NAALADL2: variants seen among roughly 807,000 people sequenced by gnomAD.
NAALADL2 encodes N-acetylated alpha-linked acidic dipeptidase like 2.
NAALADL2 carries 76 observed loss-of-function variants against 87.2 expected under a neutral mutation model. The observed-to-expected ratio is 0.87, with a 90% CI of 0.72 to 1.05. The LOEUF is 1.05. NAALADL2 is among the 50% of genes least tolerant of loss of function. NAALADL2 has a pLI of 0.00. For missense variants in NAALADL2, 1,089 were observed against 945.8 expected (o/e 1.15, Z -1.99); for synonymous variants, 354 against 331.0 (o/e 1.07, Z -0.75).
intron 9 of NAALADL2, among the ~76,000 whole-genome samples, chr3:175,540,237 A>G (rs1712064543): frequency 6.6e-6 from 1 of 152,202 alleles, no homozygotes; most frequent in Non-Finnish European, 1.5e-5. Flanking sequence ...TGTCATCAAG[A>G]AAGATCTTTC....
At chr3:175,592,785 T>C in intron 10 of NAALADL2, among the ~76,000 whole-genome samples, 1 of 151,444 alleles carries the variant, frequency 6.6e-6, no homozygotes, top group Non-Finnish European at 1.5e-5. Context: ...ATATACCTAA[T>C]GCTAGATGAC....
intron 2 of NAALADL2, among the ~76,000 whole-genome samples, chr3:174,621,671 T>C (rs1721010362): frequency 6.6e-6 from 1 of 152,134 alleles, no homozygotes; most frequent in Non-Finnish European, 1.5e-5. Context: ...CTTAAACTTG[T>C]TATTTTACCC....
At chr3:174,497,417 C>T (rs1718613842) in intron 1 of NAALADL2, among the ~76,000 whole-genome samples, 2 of 151,884 alleles carry the variant, frequency 1.3e-5, no homozygotes, top group South Asian at 4.2e-4. Flanking sequence ...TGGCTTGAAC[C>T]CAGGAGTTTA....
chr3:174,744,854 A>C (rs1244767748), intron 3 of NAALADL2, among the ~76,000 whole-genome samples: 4 of 152,174 alleles, frequency 2.6e-5, no homozygotes, highest in Non-Finnish European at 1.5e-5. Context: ...ACTCCTAAGT[A>C]AATCATGAAA....
At chr3:175,172,107 C>A (rs1734928089) in intron 2 of NAALADL2, among the ~76,000 whole-genome samples, 1 of 152,026 alleles carries the variant, frequency 6.6e-6, no homozygotes, top group Non-Finnish European at 1.5e-5. Flanking sequence ...CAAGGTGATA[C>A]CCCAAATACC....
rs151104301 is a variant in NAALADL2 at position 174,722,001 on chromosome 3, A to T, written c.-114-15640A>T. 8.6e-3 allele frequency among the ~76,000 whole-genome samples: 1,307 copies of T among 152,334 alleles called. 10 individuals carry two copies. The highest frequency in any genetic ancestry group is 0.012 in the Non-Finnish European group (810 of 68,014). ...CAATCCTGAAAAATGGCATGATTGA[A>T]ATAACAGCCAAGACCAAGAGCTCAG... On this transcript the variant is annotated intron_variant, in intron 2 of 3. Transcript: ENST00000434257.
chr3:175,375,637 C>T (rs953076175), intron 5 of NAALADL2, among the ~76,000 whole-genome samples: 2 of 152,050 alleles, frequency 1.3e-5, no homozygotes, highest in Non-Finnish European at 2.9e-5. Flanking sequence ...CCTTTTCCAT[C>T]CTTTTAACCA....
At chr3:174,850,631 T>C (rs1725136467) in intron 3 of NAALADL2, among the ~76,000 whole-genome samples, 2 of 152,116 alleles carry the variant, frequency 1.3e-5, no homozygotes, top group South Asian at 4.1e-4. Flanking sequence ...GCAAACATTA[T>C]TGGAACTAAA....
intron 2 of NAALADL2, among the ~76,000 whole-genome samples, chr3:175,223,805 A>G (rs534044777): frequency 1.3e-5 from 2 of 152,178 alleles, no homozygotes; most frequent in East Asian, 3.9e-4. Context: ...TGCAGTTTTT[A>G]TAATATTCTC....
rs964591915 is a variant in NAALADL2, at chr3:175,366,307, C to T, written c.1090+41982C>T. 6.7e-4 allele frequency among the ~76,000 whole-genome samples: 102 copies of T among 151,380 alleles called. 1 individual carries two copies. The highest frequency in any genetic ancestry group is 2.2e-3 in the African/African-American group (89 of 41,130). On this transcript the variant is annotated intron_variant, in intron 5 of 13. Transcript: ENST00000454872. ...AAGTCTTTGCTATTGTGAATAGTGC[C>T]TCAATAAACATACGTGTGCATGTGT...
chr3:175,015,174 A>C (rs1750651800), intron 1 of NAALADL2, among the ~76,000 whole-genome samples: 1 of 152,126 alleles, frequency 6.6e-6, no homozygotes. Flanking sequence ...CTAGGCTTAA[A>C]AACACAGCAT....
At chr3:175,486,402 T>G (rs1727263592) in intron 9 of NAALADL2, among the ~76,000 whole-genome samples, 1 of 152,122 alleles carries the variant, frequency 6.6e-6, no homozygotes, top group African/African-American at 2.4e-5. Context: ...TTCCCTTCAC[T>G]GAAGCTCGTC....
At chr3:175,350,354 A>C (rs16825528) in intron 5 of NAALADL2, among the ~76,000 whole-genome samples, 39,773 of 152,102 alleles carry the variant, frequency 0.26, 6,239 homozygotes, top group East Asian at 0.41. Context: ...AGTGAGAAGC[A>C]GATATCTGTC....
At chr3:174,916,723 G>A (rs1245948702) in intron 1 of NAALADL2, among the ~76,000 whole-genome samples, 2 of 151,888 alleles carry the variant, frequency 1.3e-5, no homozygotes, top group South Asian at 2.1e-4. Flanking sequence ...GAGGAGACTG[G>A]GAAAAGGGTG....
chr3:174,466,135 A>G (rs985436317), intron 1 of NAALADL2, among the ~76,000 whole-genome samples: 2 of 152,196 alleles, frequency 1.3e-5, no homozygotes, highest in African/African-American at 4.8e-5. Flanking sequence ...TTTCCATTTC[A>G]GCACATAGTC....
intron 5 of NAALADL2, among the ~76,000 whole-genome samples, chr3:175,378,588 G>A (rs1767431451): frequency 6.6e-6 from 1 of 152,090 alleles, no homozygotes. Context: ...CAAATTTCTG[G>A]AGTACTTTCT....
At chr3:174,866,089 C>T (rs1271733461) in intron 1 of NAALADL2, among the ~76,000 whole-genome samples, 1 of 151,794 alleles carries the variant, frequency 6.6e-6, no homozygotes, top group Non-Finnish European at 1.5e-5. Context: ...TTGTTTTTCA[C>T]ATTTATGGTC....
chr3:174,676,286 T>C (rs1053740199), intron 2 of NAALADL2, among the ~76,000 whole-genome samples: 6 of 152,056 alleles, frequency 3.9e-5, no homozygotes, highest in Non-Finnish European at 8.8e-5. Context: ...GGCCGCTTCA[T>C]TGTGGTAAGG....
At chr3:174,910,681 A>G (rs1188079773) in intron 1 of NAALADL2, among the ~76,000 whole-genome samples, 1 of 152,034 alleles carries the variant, frequency 6.6e-6, no homozygotes, top group African/African-American at 2.4e-5. Context: ...GGGCCTCAGT[A>G]CACACCATAT....
Sources: gnomAD v4.1 joint callset for allele counts (sites outside exome capture counted in the v4.1 genomes callset) on GRCh38, gnomAD v4.1.1 for gene constraint, MANE v1.5 for transcripts, NCBI Gene and HGNC (gene_info 2026-07-23, HGNC 2026-07-21) for gene names.